Variants in MINDY3 observed in about 807,000 individuals in gnomAD.
MINDY3 encodes the protein ubiquitin carboxyl-terminal hydrolase MINDY-3.
In MINDY3, 38 loss-of-function variants were observed where a neutral mutation model predicts 69.2. That is an observed-to-expected ratio of 0.55 (90% CI 0.42 to 0.72). The LOEUF (loss-of-function observed/expected upper bound fraction) is 0.72. Ranked by LOEUF, MINDY3 falls within the 30% of genes least tolerant of loss-of-function variation. MINDY3 has a pLI of 0.00. For synonymous variants in MINDY3, 192 were observed against 180.1 expected (o/e 1.07, Z -0.53); for missense variants, 522 against 519.0 (o/e 1.01, Z -0.06).
At chr10:15,795,965 T>A in intron 11 of MINDY3, 135 bp downstream of exon 11, 1 of 729,048 alleles carries the variant, frequency 1.4e-6, no homozygotes, top group Admixed American at 2.3e-5. Context: ...CTACTTTCCT[T>A]TTAAAATGTT....
At chr10:15,846,059 G>A (rs147264078) in intron 2 of MINDY3, among the ~76,000 whole-genome samples, 1,936 of 151,950 alleles carry the variant, frequency 0.013, 30 homozygotes, top group African/African-American at 0.044. Context: ...CTGACCTCAG[G>A]TGATCTACCT....
At chr10:15,852,419 A>C (rs1834370257) in intron 1 of MINDY3, among the ~76,000 whole-genome samples, 2 of 152,202 alleles carry the variant, frequency 1.3e-5, no homozygotes, top group East Asian at 3.8e-4. Flanking sequence ...AGAGGCAGCA[A>C]TTTCAATCAT....
chr10:15,792,844 A>C (rs1303147718), intron 11 of MINDY3, among the ~76,000 whole-genome samples: 3 of 152,084 alleles, frequency 2.0e-5, no homozygotes, highest in African/African-American at 7.2e-5. Context: ...GACACTACCT[A>C]TGTAGACCTT....
intron 6 of MINDY3, among the ~76,000 whole-genome samples, chr10:15,836,818 C>T (rs938348238): frequency 2.0e-5 from 3 of 151,208 alleles, no homozygotes; most frequent in East Asian, 1.9e-4. Context: ...AAATAAGAAT[C>T]GTGAGACATT....
At chr10:15,846,242 G>A (rs1215127479) in intron 2 of MINDY3, among the ~76,000 whole-genome samples, 1 of 152,146 alleles carries the variant, frequency 6.6e-6, no homozygotes, top group Non-Finnish European at 1.5e-5. Context: ...GAAATATACT[G>A]TACTTTATAA....
At chr10:15,834,653 C>T in intron 6 of MINDY3, 37 bp from the exon 7 acceptor site, 1 of 1,437,848 alleles carries the variant, frequency 7.0e-7, no homozygotes, top group Non-Finnish European at 9.8e-7. Context: ...TTTTAAAAAA[C>T]TAAAATGAAA....
intron 1 of MINDY3, among the ~76,000 whole-genome samples, chr10:15,859,220 G>A (rs1024840490): frequency 6.6e-6 from 1 of 152,068 alleles, no homozygotes; most frequent in African/African-American, 2.4e-5. Flanking sequence ...CTGAATTTTT[G>A]TTACAAAATA....
Position 15,841,547 on chromosome 10 carries a change from A to T in MINDY3, c.288T>A (p.Ser96Arg). 1 of 1,611,556 alleles carries T rather than the reference A, an allele frequency of 6.2e-7. No individual in the cohort carries two copies. Among genetic ancestry groups the T allele is most frequent in the Non-Finnish European group, 8.5e-7 (1 of 1,178,366 alleles). The stretch of plus-strand genomic sequence containing the variant: ...ATGATCCAGAGTGGTCACAACAAGC[A>T]CTTTCTAAAATATCACACAAGGTAT... ...LCHTLCDILE[S>R]ACCDHSGSYC... The change falls in exon 4 of 15, where the codon AGT becomes AGA. Residue 96 changes from serine to arginine, a missense_variant. Coordinates refer to ENST00000277632, the MANE Select transcript of MINDY3 (RefSeq NM_024948.4).
At chr10:15,792,516 A>C (rs1374224264) in intron 11 of MINDY3, among the ~76,000 whole-genome samples, 2 of 152,132 alleles carry the variant, frequency 1.3e-5, no homozygotes, top group African/African-American at 4.8e-5. Flanking sequence ...GGCCACAGCA[A>C]GGGCACAGGG....
At chr10:15,847,520 T>C (rs868805872) in intron 2 of MINDY3, among the ~76,000 whole-genome samples, 15 of 152,022 alleles carry the variant, frequency 9.9e-5, no homozygotes, top group South Asian at 2.1e-4. Context: ...ATAATGAAAA[T>C]AGTACAATTA....
At chr10:15,831,026 G>GA (rs1439253773) in intron 8 of MINDY3, among the ~76,000 whole-genome samples, 1 of 152,064 alleles carries the variant, frequency 6.6e-6, no homozygotes, top group Non-Finnish European at 1.5e-5. Flanking sequence ...TCTAAAACAG[G>GA]AAAAAAGAAT....
At chr10:15,794,893 T>C (rs1837687799) in intron 11 of MINDY3, among the ~76,000 whole-genome samples, 1 of 152,094 alleles carries the variant, frequency 6.6e-6, no homozygotes, top group African/African-American at 2.4e-5. Flanking sequence ...AGGGCTCCTA[T>C]GTCTGCTCTG....
chr10:15,805,213 C>T (rs2131927541), intron 10 of MINDY3, among the ~76,000 whole-genome samples: 1 of 152,216 alleles, frequency 6.6e-6, no homozygotes, highest in African/African-American at 2.4e-5. Context: ...CTTGGAGGTT[C>T]TTTGATTATT....
intron 10 of MINDY3, among the ~76,000 whole-genome samples, chr10:15,803,431 TCAAGA>T (rs1255804394): frequency 6.6e-6 from 1 of 152,104 alleles, no homozygotes; most frequent in Non-Finnish European, 1.5e-5. Context: ...AGTTTTACAA[TCAAGA>T]CAAAACACTT....
At chr10:15,821,298 G>A (rs952902861) in intron 9 of MINDY3, among the ~76,000 whole-genome samples, 1 of 152,152 alleles carries the variant, frequency 6.6e-6, no homozygotes, top group Non-Finnish European at 1.5e-5. Context: ...AGTTGTTTTA[G>A]TGAAGCATAT....
At position 15,847,900 on chromosome 10, in the gene MINDY3, A is replaced by C; in HGVS notation, c.138T>G (p.Phe46Leu). The part of the protein sequence containing the change: ...SESEGSALEQ[F>L]EGGPCAVIAP... Reference sequence around the variant, plus strand: ...CAATAACAGCACAGGGGCCACCTTCAAACTGTTCTAATGCAGATCCCTCTG... The same window carrying C: ...CAATAACAGCACAGGGGCCACCTTCCAACTGTTCTAATGCAGATCCCTCTG... Residue 46 changes from phenylalanine to leucine, a missense_variant, in exon 2 of 15, where the codon TTT (phenylalanine) becomes TTG (leucine). Physicochemically the swap from Phe to Leu is conservative, Grantham distance 22. Coordinates refer to ENST00000277632, the MANE Select transcript of MINDY3 (RefSeq NM_024948.4). 1.2e-6 allele frequency: 2 copies of C among 1,614,114 alleles called. No individual in the cohort carries two copies. The highest frequency in any genetic ancestry group is 1.7e-6 in the Non-Finnish European group (2 of 1,179,976).
chr10:15,858,435 T>C (rs956083890), intron 1 of MINDY3, among the ~76,000 whole-genome samples: 3 of 152,200 alleles, frequency 2.0e-5, no homozygotes, highest in East Asian at 3.8e-4. Context: ...AAGAGTGAAT[T>C]TGGCATAGTC....
At chr10:15,784,830 A>G (rs1048195378) in intron 13 of MINDY3, among the ~76,000 whole-genome samples, 3 of 152,166 alleles carry the variant, frequency 2.0e-5, no homozygotes, top group African/African-American at 7.2e-5. Flanking sequence ...TTGAGTCACT[A>G]TGCATTTTGT....
rs546857023 is a variant in MINDY3, at chr10:15,796,261, A to G, written c.883-89T>C. ...TACTAGGGTAGGCAGACATAATGAC[A>G]TTGGAGTCAGAAGACTTTGAGTTAC... On this transcript the variant is annotated intron_variant, in intron 10 of 14. Coordinates refer to ENST00000277632, the MANE Select transcript of MINDY3 (RefSeq NM_024948.4). The G allele has an allele frequency of 1.4e-5, 14 of 996,742 alleles. No individual in the cohort carries two copies. The East Asian group carries it at 3.1e-4, about 22-fold the overall frequency. 61.7% of individuals were successfully genotyped at this position (996,742 alleles called of 1,614,324 possible).
Sources: allele counts gnomAD v4.1 joint callset (sites outside exome capture counted in the v4.1 genomes callset), GRCh38; gene constraint gnomAD v4.1.1; transcripts MANE v1.5; gene names NCBI Gene and HGNC (gene_info 2026-07-23, HGNC 2026-07-21).